The following SMARCC1 variants were observed in gnomAD, a reference collection of about 807,000 sequenced individuals.
The protein encoded by SMARCC1 is SWI/SNF related BAF chromatin remodeling complex subunit C1.
Under a neutral mutation model 147.4 loss-of-function variants are expected in SMARCC1, and 43 were observed. That is an observed-to-expected ratio of 0.29 (90% confidence interval 0.23 to 0.38). The LOEUF is 0.38. Among genes scored for constraint, SMARCC1 ranks in the 10% least tolerant of loss-of-function variants. SMARCC1 has a pLI of 1.00. For synonymous variants in SMARCC1, 495 were observed against 484.4 expected (o/e 1.02, Z -0.29); for missense variants, 1,119 against 1,381.1 (o/e 0.81, Z 3.01).
intron 2 of SMARCC1, among the ~76,000 whole-genome samples, chr3:47,759,233 G>C (rs2034742152): frequency 6.6e-6 from 1 of 150,754 alleles, no homozygotes; most frequent in South Asian, 2.1e-4. Flanking sequence ...GGCTGGTCTT[G>C]AACTCCTGGA....
At chr3:47,629,903 A>G (rs1191118462) in intron 24 of SMARCC1, among the ~76,000 whole-genome samples, 3 of 151,916 alleles carry the variant, frequency 2.0e-5, no homozygotes, top group African/African-American at 7.3e-5. Flanking sequence ...TTACATAGCA[A>G]TAAATAACTG....
chr3:47,638,922 T>G, intron 21 of SMARCC1, 142 bp from the exon 22 acceptor site: 1 of 660,138 alleles, frequency 1.5e-6, no homozygotes, highest in Non-Finnish European at 2.7e-6. Context: ...AAAAAAGAAG[T>G]CAGGCACAAA....
chr3:47,727,242 C>T (rs1228210894), intron 6 of SMARCC1, among the ~76,000 whole-genome samples: 1 of 151,936 alleles, frequency 6.6e-6, no homozygotes, highest in African/African-American at 2.4e-5. Context: ...GGCACGGTGG[C>T]TAACGCCTAT....
At chr3:47,732,474 G>A (rs906104146) in intron 5 of SMARCC1, among the ~76,000 whole-genome samples, 4 of 152,152 alleles carry the variant, frequency 2.6e-5, no homozygotes, top group African/African-American at 9.7e-5. Flanking sequence ...AAGAAGCCAA[G>A]TTCTCAGCTT....
chr3:47,705,290 A>T (rs2033977548), intron 10 of SMARCC1, among the ~76,000 whole-genome samples: 1 of 140,086 alleles, frequency 7.1e-6, no homozygotes, highest in African/African-American at 2.6e-5. Context: ...GTGCCACTGC[A>T]CTCCAGCCTG....
intron 15 of SMARCC1, among the ~76,000 whole-genome samples, chr3:47,678,970 C>T (rs181112499): frequency 2.6e-5 from 4 of 152,028 alleles, no homozygotes; most frequent in Admixed American, 6.5e-5. Context: ...GAGATCACGG[C>T]GGGGCAATAA....
chr3:47,760,709 CAGCTGTGCGTGGT>C (rs2034763596), intron 2 of SMARCC1, among the ~76,000 whole-genome samples: 1 of 152,100 alleles, frequency 6.6e-6, no homozygotes, highest in African/African-American at 2.4e-5. Flanking sequence ...AAACGTCAAT[CAGCTGTGCGTGGT>C]AGCTCAAAGC....
At chr3:47,670,511 G>T in intron 19 of SMARCC1, 147 bp downstream of exon 19, 1 of 634,760 alleles carries the variant, frequency 1.6e-6, no homozygotes, top group Non-Finnish European at 2.9e-6. Flanking sequence ...CTGAGCCTGG[G>T]AGGTAGAGGC....
intron 26 of SMARCC1, among the ~76,000 whole-genome samples, chr3:47,598,545 T>A (rs1463681770): frequency 6.6e-6 from 1 of 152,102 alleles, no homozygotes; most frequent in African/African-American, 2.4e-5. Context: ...AAGCTATGTA[T>A]GTGGCCCAGT....
intron 3 of SMARCC1, among the ~76,000 whole-genome samples, chr3:47,743,988 C>T (rs2034538088): frequency 6.6e-6 from 1 of 151,954 alleles, no homozygotes; most frequent in African/African-American, 2.4e-5. Flanking sequence ...CAACTGGGAA[C>T]CCAGAGTTAA....
chr3:47,716,281 T>C (rs960848038), intron 7 of SMARCC1, among the ~76,000 whole-genome samples: 1 of 151,376 alleles, frequency 6.6e-6, no homozygotes, highest in Non-Finnish European at 1.5e-5. Flanking sequence ...AGCGGGGCGT[T>C]GTAGTGTGCA....
intron 18 of SMARCC1, among the ~76,000 whole-genome samples, chr3:47,672,872 G>A (rs1325535304): frequency 6.6e-6 from 1 of 151,990 alleles, no homozygotes; most frequent in Non-Finnish European, 1.5e-5. Flanking sequence ...TCTTCCTCCT[G>A]GGTTCAAGCG....
At chr3:47,637,802 AAG>A (rs978571687) in intron 22 of SMARCC1, among the ~76,000 whole-genome samples, 2 of 151,996 alleles carry the variant, frequency 1.3e-5, no homozygotes, top group African/African-American at 4.8e-5. Flanking sequence ...TCTCCTACAG[AAG>A]AGAGATTGAG....
chr3:47,746,186 T>TGA, intron 2 of SMARCC1, 193 bp from the exon 3 acceptor site: 1 of 455,438 alleles, frequency 2.2e-6, no homozygotes, highest in Non-Finnish European at 3.9e-6. Context: ...TGGTGGCTCA[T>TGA]GCCTGTAATC....
At chr3:47,770,998 C>T (rs1470814480) in intron 2 of SMARCC1, among the ~76,000 whole-genome samples, 2 of 152,156 alleles carry the variant, frequency 1.3e-5, no homozygotes, top group Non-Finnish European at 2.9e-5. Context: ...GCAAGCTCTG[C>T]CTCCCGGGTT....
At chr3:47,625,693 G>A (rs932513032) in intron 24 of SMARCC1, among the ~76,000 whole-genome samples, 1 of 152,060 alleles carries the variant, frequency 6.6e-6, no homozygotes, top group South Asian at 2.1e-4. Flanking sequence ...GTGGATCATA[G>A]ATCTAAATAT....
intron 14 of SMARCC1, among the ~76,000 whole-genome samples, chr3:47,685,312 A>G (rs1181957643): frequency 1.3e-5 from 2 of 152,222 alleles, no homozygotes; most frequent in Non-Finnish European, 2.9e-5. Flanking sequence ...ACTACTCAGA[A>G]TAACACACAA....
intron 3 of SMARCC1, among the ~76,000 whole-genome samples, chr3:47,743,120 G>A (rs1430039629): frequency 6.6e-6 from 1 of 152,198 alleles, no homozygotes; most frequent in Non-Finnish European, 1.5e-5. Flanking sequence ...CCTAGACTGT[G>A]AGGTTCAATT....
chr3:47,606,835 G>A (rs1231931554), intron 26 of SMARCC1, among the ~76,000 whole-genome samples: 1 of 151,152 alleles, frequency 6.6e-6, no homozygotes, highest in African/African-American at 2.4e-5. Context: ...AGCCTCCTGA[G>A]TAGCTAGGAC....
Sources: allele counts gnomAD v4.1 joint callset (sites outside exome capture counted in the v4.1 genomes callset), GRCh38; gene constraint gnomAD v4.1.1; transcripts MANE v1.5; gene names NCBI Gene and HGNC (gene_info 2026-07-23, HGNC 2026-07-21).